Variants in NEK5 observed in about 807,000 individuals in gnomAD.
The protein encoded by NEK5 is serine/threonine-protein kinase Nek5.
NEK5 carries 88 observed loss-of-function variants against 109.2 expected under a neutral mutation model. That is an observed-to-expected ratio of 0.81 (90% CI 0.68 to 0.96). NEK5 has a LOEUF of 0.96. NEK5 is among the 40% of genes least tolerant of loss of function. The pLI, the probability that NEK5 is intolerant of heterozygous loss-of-function variation, is 0.00. For missense variants in NEK5, 834 were observed against 920.7 expected, an observed-to-expected ratio of 0.91 and a Z score of 1.22; for synonymous variants, 283 against 299.9, an observed-to-expected ratio of 0.94 and a Z score of 0.58.
intron 22 of NEK5, among the ~76,000 whole-genome samples, chr13:52,057,266 A>C (rs1260535732): frequency 6.6e-6 from 1 of 152,082 alleles, no homozygotes; most frequent in Admixed American, 6.6e-5. Flanking sequence ...TGAATCTCTG[A>C]ATAGACCAAT....
chr13:52,084,762 A>AGAGAGAGAGAGAGAGTGTGTGTGT (rs1228944662), intron 16 of NEK5, among the ~76,000 whole-genome samples: 1 of 47,384 alleles, frequency 2.1e-5, no homozygotes, highest in African/African-American at 7.4e-5. Context: ...AGAGAGAGAG[A>AGAGAGAGAGAGAGAGTGTGTGTGT]GTGTGTGTGT....
At chr13:52,111,769 A>G (rs1955764217) in intron 5 of NEK5, among the ~76,000 whole-genome samples, 1 of 152,206 alleles carries the variant, frequency 6.6e-6, no homozygotes, top group Non-Finnish European at 1.5e-5. Context: ...GTGCAAAGAG[A>G]AAGTGGGAGA....
At chr13:52,124,121 T>G (rs1956020981) in intron 3 of NEK5, among the ~76,000 whole-genome samples, 1 of 152,020 alleles carries the variant, frequency 6.6e-6, no homozygotes, top group Admixed American at 6.5e-5. Flanking sequence ...CATAGCAAGA[T>G]CCTGTCTCTA....
At chr13:52,039,829 T>C (rs1954398301) in intron 23 of NEK5, among the ~76,000 whole-genome samples, 1 of 152,184 alleles carries the variant, frequency 6.6e-6, no homozygotes, top group African/African-American at 2.4e-5. Context: ...ATTTTTGCTA[T>C]GGTCTGAATG....
intron 17 of NEK5, among the ~76,000 whole-genome samples, chr13:52,081,607 G>C (rs967151009): frequency 6.6e-6 from 1 of 152,138 alleles, no homozygotes; most frequent in African/African-American, 2.4e-5. Context: ...AATCTAAAAA[G>C]TAGAGAGACA....
Position 52,065,019 on chromosome 13 carries a change from G to C in NEK5, c.1975+465C>G, listed in dbSNP as rs145604310. 523 of 243,552 alleles carry C rather than the reference G, an allele frequency of 2.1e-3. 3 individuals are homozygous for C. Among genetic ancestry groups the C allele is most frequent in the African/African-American group, 0.011 (467 of 43,502 alleles). The allele number at this position is 243,552 out of a possible 1,614,324, so 15.1% of individuals were successfully genotyped here. A position where few individuals can be genotyped will look rare whatever the true frequency, so the allele number is the denominator to read the frequency against. On this transcript the variant is annotated intron_variant, in intron 21 of 23. Transcript: ENST00000684899. ...CAGGGTCCTCTGCCTAGAAAAACCA[G>C]AGACCTTTGTTCACTTGTTTATCTG...
intron 20 of NEK5, among the ~76,000 whole-genome samples, chr13:52,070,405 A>T (rs1257215726): frequency 6.6e-6 from 1 of 152,324 alleles, no homozygotes. Context: ...GTCCCACCCA[A>T]ATCTCATCTT....
chr13:52,108,282 T>C (rs765214090), intron 8 of NEK5, 36 bp downstream of exon 8: 6 of 1,227,360 alleles, frequency 4.9e-6, no homozygotes, highest in Non-Finnish European at 7.2e-6. Context: ...CCATCAGATT[T>C]TACTGACACT....
At chr13:52,077,250 T>C (rs571749029) in intron 17 of NEK5, among the ~76,000 whole-genome samples, 10 of 152,330 alleles carry the variant, frequency 6.6e-5, no homozygotes, top group African/African-American at 2.4e-4. Flanking sequence ...ACTGAAAACG[T>C]ATGCTTTCAG....
chr13:52,069,606 G>A (rs566189061), intron 20 of NEK5, among the ~76,000 whole-genome samples: 3 of 152,132 alleles, frequency 2.0e-5, no homozygotes, highest in African/African-American at 4.8e-5. Flanking sequence ...TGTCTCTCCC[G>A]ACCCCATTAC....
intron 22 of NEK5, among the ~76,000 whole-genome samples, chr13:52,060,459 T>C (rs1471027817): frequency 2.0e-5 from 3 of 152,032 alleles, no homozygotes; most frequent in Non-Finnish European, 2.9e-5. Flanking sequence ...GGTTCAAGCG[T>C]TCCTCCTGCC....
intron 20 of NEK5, among the ~76,000 whole-genome samples, chr13:52,071,317 C>T (rs1954779910): frequency 6.6e-6 from 1 of 152,152 alleles, no homozygotes; most frequent in Admixed American, 6.5e-5. Context: ...TACCTCATTC[C>T]TTCCACATGT....
chr13:52,089,935 C>T (rs1053431438), intron 13 of NEK5, among the ~76,000 whole-genome samples: 4 of 151,056 alleles, frequency 2.6e-5, no homozygotes, highest in Non-Finnish European at 5.9e-5. Context: ...GCACTCCAGC[C>T]TGAGTGACAG....
chr13:52,101,879 T>C (rs1955539612), intron 11 of NEK5, 54 bp downstream of exon 11: 2 of 1,355,844 alleles, frequency 1.5e-6, no homozygotes, highest in African/African-American at 2.9e-5. Flanking sequence ...CATTACTCTC[T>C]GTGTGAGACA....
intron 20 of NEK5, among the ~76,000 whole-genome samples, chr13:52,066,118 C>T (rs1446011048): frequency 1.3e-5 from 2 of 152,034 alleles, no homozygotes; most frequent in Non-Finnish European, 2.9e-5. Flanking sequence ...AAAATTGGAC[C>T]ACATACTACA....
chr13:52,037,344 T>C (rs1954369469), intron 23 of NEK5, 126 bp from the exon 24 acceptor site: 1 of 227,964 alleles, frequency 4.4e-6, no homozygotes, highest in Admixed American at 6.5e-5. Flanking sequence ...CACCTAGGTT[T>C]TTCTAAGCAT....
chr13:52,108,088 G>A (rs1446249245), intron 8 of NEK5, among the ~76,000 whole-genome samples: 2 of 152,098 alleles, frequency 1.3e-5, no homozygotes, highest in Non-Finnish European at 2.9e-5. Context: ...ACTGGTTACA[G>A]AAATAAAAAC....
chr13:52,096,869 C>T (rs1955427959), intron 12 of NEK5, among the ~76,000 whole-genome samples: 1 of 152,160 alleles, frequency 6.6e-6, no homozygotes, highest in Non-Finnish European at 1.5e-5. Context: ...TTTGAGGCAG[C>T]CCCTCTCATC....
chr13:52,115,203 C>T (rs1005926823), intron 4 of NEK5, among the ~76,000 whole-genome samples: 15 of 151,746 alleles, frequency 9.9e-5, no homozygotes, highest in Admixed American at 6.6e-5. Context: ...TTAGTAGAGA[C>T]AGGGTTTCAC....
Sources: gnomAD v4.1 joint callset for allele counts (sites outside exome capture counted in the v4.1 genomes callset) on GRCh38, gnomAD v4.1.1 for gene constraint, MANE v1.5 for transcripts, NCBI Gene and HGNC (gene_info 2026-07-23, HGNC 2026-07-21) for gene names.